DCAF8: variants seen among roughly 807,000 people sequenced by gnomAD.
DCAF8 encodes DDB1 and CUL4 associated factor 8.
Under a neutral mutation model 68.0 loss-of-function variants are expected in DCAF8, and 20 were observed. That is an observed-to-expected ratio of 0.29 (90% CI 0.21 to 0.43). The LOEUF (loss-of-function observed/expected upper bound fraction) is 0.43, where lower values mean the gene tolerates loss of function less well. Ranked by LOEUF, DCAF8 falls within the 20% of genes least tolerant of loss-of-function variation. DCAF8 has a pLI of 1.00. For synonymous variants in DCAF8, 230 were observed against 276.9 expected (o/e 0.83, Z 1.68); for missense variants, 460 against 771.0 (o/e 0.60, Z 4.78).
rs139818841 is a variant in DCAF8 at position 160,230,049 on chromosome 1, T to A, written c.1070+1248A>T. 4.3e-3 allele frequency among the ~76,000 whole-genome samples: 651 copies of A among 152,070 alleles called. 3 individuals are homozygous for A. Among genetic ancestry groups the A allele is most frequent in the Non-Finnish European group, 5.7e-3 (388 of 67,974 alleles). Reference sequence around the variant, plus strand: ...AAAAAAAAAATCTATGGCTACACATTTAAGGACTGTTGGTGACTAGAGGAA... The same window carrying A: ...AAAAAAAAAATCTATGGCTACACATATAAGGACTGTTGGTGACTAGAGGAA... On this transcript the variant is annotated intron_variant, in intron 7 of 13. Transcript: ENST00000368074.
intron 2 of DCAF8, among the ~76,000 whole-genome samples, chr1:160,247,533 A>C (rs1322763896): frequency 6.6e-6 from 1 of 152,206 alleles, no homozygotes; most frequent in Non-Finnish European, 1.5e-5. Context: ...AGATCTGCAT[A>C]AGAGACTACG....
chr1:160,218,260 T>G, intron 13 of DCAF8, 64 bp downstream of exon 13: 1 of 1,284,386 alleles, frequency 7.8e-7, no homozygotes, highest in Non-Finnish European at 1.1e-6. Context: ...GTCACTACTC[T>G]GGAACTTTTT....
At chr1:160,239,648 C>T (rs1212680565) in intron 4 of DCAF8, 49 bp downstream of exon 4, 1 of 1,614,168 alleles carries the variant, frequency 6.2e-7, no homozygotes, top group Non-Finnish European at 8.5e-7. Flanking sequence ...TCAGATTTCT[C>T]TAACTCATGC....
At chr1:160,250,688 C>A (rs1034840426) in intron 2 of DCAF8, among the ~76,000 whole-genome samples, 2 of 152,054 alleles carry the variant, frequency 1.3e-5, no homozygotes, top group Non-Finnish European at 2.9e-5. Flanking sequence ...ACCAAGACTG[C>A]CTGTGTGATT....
chr1:160,259,951 C>A (rs763470825), intron 2 of DCAF8, among the ~76,000 whole-genome samples: 1 of 152,106 alleles, frequency 6.6e-6, no homozygotes, highest in Non-Finnish European at 1.5e-5. Flanking sequence ...TAGGTGGGCA[C>A]TTACAAAGGA....
chr1:160,244,534 A>T (rs1249378986), intron 2 of DCAF8, among the ~76,000 whole-genome samples: 1 of 152,192 alleles, frequency 6.6e-6, no homozygotes, highest in Non-Finnish European at 1.5e-5. Flanking sequence ...TTTACACACA[A>T]ATCAACAGAA....
chr1:160,229,915 C>T (rs1206498124), intron 7 of DCAF8, among the ~76,000 whole-genome samples: 1 of 151,736 alleles, frequency 6.6e-6, no homozygotes, highest in Non-Finnish European at 1.5e-5. Flanking sequence ...CCCAGCTACT[C>T]GGGAGGCTGA....
At chr1:160,228,709 G>T (rs1447959869) in intron 7 of DCAF8, among the ~76,000 whole-genome samples, 4 of 150,850 alleles carry the variant, frequency 2.7e-5, no homozygotes, top group Non-Finnish European at 1.5e-5. Flanking sequence ...TATTAATGAT[G>T]CAAAAGCCTT....
intron 4 of DCAF8, 70 bp downstream of exon 4, chr1:160,239,627 C>G (rs1414214736): frequency 6.2e-7 from 1 of 1,614,030 alleles, no homozygotes; most frequent in African/African-American, 1.3e-5. Flanking sequence ...GCTCCCAATC[C>G]ATGCTGCAGT....
intron 11 of DCAF8, 147 bp from the exon 12 acceptor site, chr1:160,219,115 C>T: frequency 9.5e-7 from 1 of 1,056,986 alleles, no homozygotes; most frequent in Non-Finnish European, 1.4e-6. Context: ...TGAGCCTAAG[C>T]CAAAGGGCAC....
intron 3 of DCAF8, among the ~76,000 whole-genome samples, chr1:160,240,664 T>A (rs1370052692): frequency 6.6e-6 from 1 of 152,226 alleles, no homozygotes; most frequent in Admixed American, 6.5e-5. Flanking sequence ...TGGCATATTG[T>A]ATAAAAGTGT....
chr1:160,224,299 A>C (rs1655396891), intron 10 of DCAF8, 143 bp downstream of exon 10: 1 of 613,106 alleles, frequency 1.6e-6, no homozygotes, highest in Non-Finnish European at 2.8e-6. Context: ...GAAAACATGA[A>C]AACTCCAGCC....
chr1:160,225,152 C>T (rs768031857), intron 8 of DCAF8, 33 bp from the exon 9 acceptor site: 1 of 1,603,988 alleles, frequency 6.2e-7, no homozygotes, highest in Non-Finnish European at 8.5e-7. Flanking sequence ...ACTGATGCCC[C>T]ACCCCCCCAT....
intron 2 of DCAF8, among the ~76,000 whole-genome samples, chr1:160,247,702 T>A (rs1571106554): frequency 6.6e-6 from 1 of 152,224 alleles, no homozygotes; most frequent in East Asian, 1.9e-4. Flanking sequence ...AAGTTGGCAT[T>A]CGAAAAGTTT....
At chr1:160,249,684 T>C (rs1437361632) in intron 2 of DCAF8, among the ~76,000 whole-genome samples, 4 of 152,158 alleles carry the variant, frequency 2.6e-5, no homozygotes, top group African/African-American at 9.7e-5. Flanking sequence ...AAATTAAAAA[T>C]ACCCTGTAGG....
chr1:160,237,034 G>C (rs1655920903), intron 6 of DCAF8, 101 bp downstream of exon 6: 1 of 760,472 alleles, frequency 1.3e-6, no homozygotes, highest in Admixed American at 3.3e-5. Flanking sequence ...TAGGCACAAA[G>C]GTACTATTCG....
intron 2 of DCAF8, among the ~76,000 whole-genome samples, chr1:160,246,198 A>C (rs1656331899): frequency 6.6e-6 from 1 of 152,170 alleles, no homozygotes; most frequent in South Asian, 2.1e-4. Context: ...CCAGTGTAAC[A>C]TGAAGAACAG....
chr1:160,247,887 CA>C (rs940872731), intron 2 of DCAF8, among the ~76,000 whole-genome samples: 1 of 152,136 alleles, frequency 6.6e-6, no homozygotes, highest in African/African-American at 2.4e-5. Flanking sequence ...TAACTTAAAA[CA>C]ACACAAGTTC....
intron 2 of DCAF8, among the ~76,000 whole-genome samples, chr1:160,246,747 C>T (rs1410841426): frequency 2.0e-5 from 3 of 151,772 alleles, no homozygotes; most frequent in South Asian, 2.1e-4. Context: ...ATTGGGAGGC[C>T]GAGGCAGGAG....
Sources: allele counts gnomAD v4.1 joint callset (sites outside exome capture counted in the v4.1 genomes callset), GRCh38; gene constraint gnomAD v4.1.1; transcripts MANE v1.5; gene names NCBI Gene and HGNC (gene_info 2026-07-23, HGNC 2026-07-21).